The following CYP19A1 variants were observed in gnomAD, a reference collection of about 807,000 sequenced individuals.
The protein encoded by CYP19A1 is cytochrome P450 family 19 subfamily A member 1, also known as aromatase.
In CYP19A1, 32 loss-of-function variants were observed where a neutral mutation model predicts 44.4. The ratio of observed to expected loss-of-function variants is 0.72; its 90% CI spans 0.54 to 0.97. The LOEUF (loss-of-function observed/expected upper bound fraction) is 0.97, where lower values mean the gene tolerates loss of function less well. Among genes scored for constraint, CYP19A1 ranks in the 50% least tolerant of loss-of-function variants. The probability of loss-of-function intolerance (pLI) is 0.00; values close to 1 mark genes in which losing one functional copy is unlikely to be tolerated. For missense variants in CYP19A1, 598 were observed against 637.8 expected, an observed-to-expected ratio of 0.94 and a Z score of 0.67; for synonymous variants, 212 against 215.6, an observed-to-expected ratio of 0.98 and a Z score of 0.14.
intron 1 of CYP19A1, among the ~76,000 whole-genome samples, chr15:51,326,290 C>A (rs1449953342): frequency 6.6e-6 from 1 of 152,192 alleles, no homozygotes; most frequent in Non-Finnish European, 1.5e-5. Context: ...CAAGGCCCAG[C>A]TTCCAAGTGG....
chr15:51,239,171 T>C (rs764416957), intron 2 of CYP19A1, among the ~76,000 whole-genome samples: 29 of 152,180 alleles, frequency 1.9e-4, no homozygotes, highest in Non-Finnish European at 3.5e-4. Context: ...GCAATGATGG[T>C]GGGAGCCTCT....
chr15:51,297,869 C>CACACACACACACACACACACACACA (rs3078038), intron 1 of CYP19A1, among the ~76,000 whole-genome samples: 3 of 149,458 alleles, frequency 2.0e-5, no homozygotes, highest in Non-Finnish European at 3.0e-5. Context: ...CACACACACA[C>CACACACACACACACACACACACACA]CCTAGGCCTG....
chr15:51,245,675 AAAAC>A (rs1370374585), intron 1 of CYP19A1, among the ~76,000 whole-genome samples: 14 of 152,404 alleles, frequency 9.2e-5, no homozygotes, highest in Middle Eastern at 3.4e-3. Context: ...TTACAAGAAA[AAAAC>A]AAACAACCCC....
At chr15:51,248,883 G>A (rs975268144) in intron 1 of CYP19A1, among the ~76,000 whole-genome samples, 1 of 151,214 alleles carries the variant, frequency 6.6e-6, no homozygotes, top group African/African-American at 2.4e-5. Flanking sequence ...TCAATCCTCT[G>A]CTAAAAACCT....
intron 1 of CYP19A1, among the ~76,000 whole-genome samples, chr15:51,334,228 G>A (rs752904915): frequency 4.6e-5 from 7 of 152,090 alleles, no homozygotes; most frequent in Non-Finnish European, 8.8e-5. Flanking sequence ...GCCCAAGATG[G>A]GGGCCAAAAA....
At chr15:51,266,643 C>G (rs1446260594) in intron 1 of CYP19A1, among the ~76,000 whole-genome samples, 2 of 152,166 alleles carry the variant, frequency 1.3e-5, no homozygotes, top group Non-Finnish European at 1.5e-5. Context: ...CACATGTTTC[C>G]TAAAAACAGC....
intron 1 of CYP19A1, among the ~76,000 whole-genome samples, chr15:51,280,262 A>AT (rs2035471095): frequency 1.3e-5 from 2 of 151,644 alleles, no homozygotes; most frequent in Admixed American, 6.6e-5. Flanking sequence ...TGCCCGGCTA[A>AT]TTTTTTTTGT....
rs2030607544 is a variant in CYP19A1 at position 51,208,539 on chromosome 15, G to T, written c.*2269C>A. On this transcript the variant is annotated 3_prime_UTR_variant, in exon 10 of 10. Transcript: ENST00000396402. ...ATGGGGCAAAATTCTGAAGATAATA[G>T]AATTTTCAAAATGTGTTCATCAGCC... The T allele has an allele frequency of 8.5e-6, 1 of 117,592 alleles. No individual in the cohort carries two copies. Among genetic ancestry groups the T allele is most frequent in the Admixed American group, 7.8e-5 (1 of 12,794 alleles). 7.3% of individuals were successfully genotyped at this position (117,592 alleles called of 1,614,324 possible).
At chr15:51,261,104 G>T (rs977536063) in intron 1 of CYP19A1, among the ~76,000 whole-genome samples, 6 of 152,206 alleles carry the variant, frequency 3.9e-5, no homozygotes, top group Non-Finnish European at 7.3e-5. Flanking sequence ...GCTCGCCATT[G>T]TTCCTGCATG....
chr15:51,213,804 G>T (rs2031279297), intron 8 of CYP19A1, among the ~76,000 whole-genome samples: 1 of 152,138 alleles, frequency 6.6e-6, no homozygotes, highest in Non-Finnish European at 1.5e-5. Context: ...ACTGTATTGA[G>T]CTTGTTTTCT....
In CYP19A1 at chr15:51,210,902, T is replaced by C; in HGVS notation, c.1418A>G (p.Lys473Arg). 6.3e-7 allele frequency: 1 copy of C among 1,597,636 alleles called. No individual in the cohort carries two copies. Among genetic ancestry groups the C allele is most frequent in the Non-Finnish European group, 8.6e-7 (1 of 1,164,972 alleles). The part of the protein sequence containing the change: ...LQGQCVESIQ[K>R]IHDLSLHPDE... ...TGGGTGCAAGGACAAGTCGTGTATC[T>C]TCTGTATGCTCTCAACACACTGTCC... The change falls in exon 10 of 10, where the codon AAG (lysine) becomes AGG (arginine). Residue 473 changes from lysine (K) to arginine (R), a missense_variant. By Grantham distance (26) the Lys-to-Arg change is conservative (BLOSUM62 2). Coordinates refer to ENST00000396402, the MANE Select transcript of CYP19A1 (RefSeq NM_000103.4).
At chr15:51,211,784 A>C in intron 9 of CYP19A1, 1 of 325,796 alleles carries the variant, frequency 3.1e-6, no homozygotes, top group South Asian at 2.4e-5. Context: ...TCTGTAGTAC[A>C]CATCAATTAT....
chr15:51,306,610 A>G (rs1268585179), intron 1 of CYP19A1, among the ~76,000 whole-genome samples: 1 of 152,220 alleles, frequency 6.6e-6, no homozygotes, highest in East Asian at 1.9e-4. Flanking sequence ...TTTAATGACA[A>G]AGTTATCTTT....
chr15:51,336,789 A>G (rs533038801), intron 1 of CYP19A1, among the ~76,000 whole-genome samples: 1 of 152,346 alleles, frequency 6.6e-6, no homozygotes, highest in Admixed American at 6.5e-5. Flanking sequence ...TTCTCATTGT[A>G]AAGATAGCAC....
At chr15:51,225,777 G>T (rs945906289) in intron 4 of CYP19A1, among the ~76,000 whole-genome samples, 1 of 152,032 alleles carries the variant, frequency 6.6e-6, no homozygotes, top group Admixed American at 6.6e-5. Context: ...CTTGAGATGG[G>T]GTGGGCCAAA....
At chr15:51,237,901 T>G (rs1389046003) in intron 2 of CYP19A1, among the ~76,000 whole-genome samples, 3 of 152,250 alleles carry the variant, frequency 2.0e-5, no homozygotes, top group African/African-American at 7.2e-5. Context: ...TAGCAGTTTT[T>G]CTAAATCTTT....
In CYP19A1 at chr15:51,223,571, G is replaced by GCTCTCT. The variant is rs763852095; in HGVS notation, c.452-1052_452-1047dup. ...AGACTATCCTCTCTCTCTCTCTCTT[G>GCTCTCT]CTCTCTCTCTCTCTCTCTCTCTCAC... On this transcript the variant is annotated intron_variant, in intron 4 of 9. Coordinates refer to ENST00000396402, the MANE Select transcript of CYP19A1 (RefSeq NM_000103.4). 7.2e-4 allele frequency among the ~76,000 whole-genome samples: 80 copies of GCTCTCT among 110,668 alleles called. 1 individual carries two copies. The highest frequency in any genetic ancestry group is 5.3e-3 in the Middle Eastern group (1 of 190). 72.6% of individuals were successfully genotyped at this position (110,668 alleles called of 152,430 possible).
At chr15:51,326,925 T>C (rs1385831797) in intron 1 of CYP19A1, among the ~76,000 whole-genome samples, 1 of 152,212 alleles carries the variant, frequency 6.6e-6, no homozygotes, top group Non-Finnish European at 1.5e-5. Flanking sequence ...CCTGGAAATA[T>C]GAACTAGCTT....
At chr15:51,259,353 A>G (rs1372544776) in intron 1 of CYP19A1, among the ~76,000 whole-genome samples, 1 of 152,242 alleles carries the variant, frequency 6.6e-6, no homozygotes, top group Non-Finnish European at 1.5e-5. Flanking sequence ...GTCTATATGC[A>G]AGAAAACATG....
Sources: allele counts gnomAD v4.1 joint callset (sites outside exome capture counted in the v4.1 genomes callset), GRCh38; gene constraint gnomAD v4.1.1; transcripts MANE v1.5; gene names NCBI Gene and HGNC (gene_info 2026-07-23, HGNC 2026-07-21).